Variants in PTPN2 observed in about 807,000 individuals in gnomAD.
The protein encoded by PTPN2 is tyrosine-protein phosphatase non-receptor type 2.
A neutral mutation model predicts 57.3 loss-of-function variants in PTPN2; 19 were observed. The observed-to-expected ratio is 0.33, with a 90% CI of 0.23 to 0.49. The LOEUF (loss-of-function observed/expected upper bound fraction) is 0.49, where lower values mean the gene tolerates loss of function less well. Ranked by LOEUF, PTPN2 falls within the 20% of genes least tolerant of loss-of-function variation. The probability of loss-of-function intolerance (pLI) is 0.99; values close to 1 mark genes in which losing one functional copy is unlikely to be tolerated. For missense variants in PTPN2, 358 were observed against 501.1 expected (o/e 0.71, Z 2.73); for synonymous variants, 153 against 164.9 (o/e 0.93, Z 0.55).
At chr18:12,861,039 C>T (rs534974736) in intron 1 of PTPN2, among the ~76,000 whole-genome samples, 1 of 152,286 alleles carries the variant, frequency 6.6e-6, no homozygotes, top group African/African-American at 2.4e-5. Flanking sequence ...TAGGGTCTCA[C>T]TTTTTGCCCA....
At chr18:12,843,505 C>T (rs149334348) in intron 2 of PTPN2, among the ~76,000 whole-genome samples, 6 of 152,336 alleles carry the variant, frequency 3.9e-5, no homozygotes, top group South Asian at 2.1e-4. Context: ...CCCCACTGCA[C>T]GCTTCCACAG....
chr18:12,813,904 A>T (rs953937705), intron 7 of PTPN2, among the ~76,000 whole-genome samples: 2 of 152,196 alleles, frequency 1.3e-5, no homozygotes, highest in African/African-American at 4.8e-5. Flanking sequence ...AAAGTATCTC[A>T]AGTTTCCAGT....
At chr18:12,789,385 G>T (rs1170001729), downstream of PTPN2, among the ~76,000 whole-genome samples, 1 of 152,114 alleles carries the variant, frequency 6.6e-6, no homozygotes, top group Non-Finnish European at 1.5e-5. Flanking sequence ...TTTAAATCGT[G>T]AAAAAATACA....
At chr18:12,839,803 A>C (rs1232432396) in intron 2 of PTPN2, among the ~76,000 whole-genome samples, 1 of 152,132 alleles carries the variant, frequency 6.6e-6, no homozygotes, top group Non-Finnish European at 1.5e-5. Flanking sequence ...ATTTCTGACA[A>C]GGAGTCCCTT....
intron 5 of PTPN2, among the ~76,000 whole-genome samples, chr18:12,825,080 T>C (rs1027992114): frequency 3.3e-5 from 5 of 152,058 alleles, no homozygotes; most frequent in Non-Finnish European, 7.4e-5. Context: ...AAAGCAAGAC[T>C]GTCTCAAAAA....
At chr18:12,785,798 G>A in exon 10 of PTPN2, 1 of 1,607,354 alleles carries the variant, frequency 6.2e-7, no homozygotes, top group East Asian at 2.2e-5. Context: ...ATTTATAGCT[G>A]CAGAATATTC....
chr18:12,791,201 T>C (rs1485734456), downstream of PTPN2, among the ~76,000 whole-genome samples: 1 of 152,210 alleles, frequency 6.6e-6, no homozygotes, highest in Non-Finnish European at 1.5e-5. Context: ...AACTTGTTGG[T>C]GTAGCTAGAG....
chr18:12,814,099 A>T, intron 7 of PTPN2, 104 bp downstream of exon 7: 1 of 975,356 alleles, frequency 1.0e-6, no homozygotes, highest in Non-Finnish European at 1.5e-6. Flanking sequence ...CAAAAATTCA[A>T]ATACACTCTT....
chr18:12,817,509 C>G, intron 5 of PTPN2, 144 bp from the exon 6 acceptor site: 1 of 674,490 alleles, frequency 1.5e-6, no homozygotes, highest in African/African-American at 1.8e-5. Context: ...TTCTGACAAT[C>G]CCATATACAA....
chr18:12,883,041 G>A (rs1442951018), intron 1 of PTPN2, among the ~76,000 whole-genome samples: 1 of 152,186 alleles, frequency 6.6e-6, no homozygotes, highest in Admixed American at 6.5e-5. Context: ...GCGAATCACA[G>A]GTGTTTATAC....
intron 2 of PTPN2, among the ~76,000 whole-genome samples, chr18:12,846,303 A>C (rs1165204914): frequency 1.3e-5 from 2 of 152,208 alleles, no homozygotes; most frequent in East Asian, 3.8e-4. Flanking sequence ...TTATGTAAAT[A>C]CCTTGTTCTT....
chr18:12,864,446 G>A (rs1287111128), intron 1 of PTPN2, among the ~76,000 whole-genome samples: 1 of 151,622 alleles, frequency 6.6e-6, no homozygotes, highest in Non-Finnish European at 1.5e-5. Flanking sequence ...GCCAGGCTAG[G>A]GTGCAGTGGT....
At chr18:12,789,721 C>T (rs2145203066), downstream of PTPN2, among the ~76,000 whole-genome samples, 1 of 152,276 alleles carries the variant, frequency 6.6e-6, no homozygotes, top group South Asian at 2.1e-4. Context: ...AACTGGAACT[C>T]CTGCCTGAAC....
At position 12,793,757 on chromosome 18, in the gene PTPN2, A is replaced by AGTT. The variant is rs2145216039; in HGVS notation, c.*520_*521insAAC. ...GCTCTTAAAAAGTACAGTTAACTAC[A>AGTT]AAAGATTAAATAGATACTTATAAAA... On this transcript the variant is annotated 3_prime_UTR_variant, in exon 9 of 9. Transcript: ENST00000309660. 2 of 942,530 alleles carry AGTT rather than the reference A, an allele frequency of 2.1e-6. No individual in the cohort carries two copies. Among genetic ancestry groups the AGTT allele is most frequent in the African/African-American group, 3.6e-5 (2 of 56,286 alleles). The allele number at this position is 942,530 out of a possible 1,614,324, so 58.4% of individuals were successfully genotyped here. A position where few individuals can be genotyped will look rare whatever the true frequency, so the allele number is the denominator to read the frequency against.
intron 1 of PTPN2, chr18:12,862,064 A>C (rs2043826998): frequency 6.6e-6 from 1 of 152,218 alleles, no homozygotes; most frequent in Admixed American, 6.5e-5. Context: ...ACTTTATAAA[A>C]AAAATTTCAG....
intron 4 of PTPN2, among the ~76,000 whole-genome samples, chr18:12,830,100 A>ATTTTTT (rs148424474): frequency 1.4e-5 from 2 of 147,616 alleles, no homozygotes; most frequent in Non-Finnish European, 1.5e-5. Context: ...ATAATCCTTG[A>ATTTTTT]TTTTTTTTTT....
chr18:12,808,718 T>C (rs1307001872), intron 7 of PTPN2, among the ~76,000 whole-genome samples: 7 of 152,106 alleles, frequency 4.6e-5, no homozygotes, highest in Admixed American at 2.0e-4. Flanking sequence ...GAGGCGGAGG[T>C]TGCAGTGAGC....
intron 7 of PTPN2, among the ~76,000 whole-genome samples, chr18:12,810,940 ACTGT>A (rs148300746): frequency 2.5e-3 from 376 of 152,294 alleles, no homozygotes; most frequent in African/African-American, 8.0e-3. Flanking sequence ...CACTTAGATG[ACTGT>A]CTATTTTCTT....
At chr18:12,858,023 A>AT (rs1203157976) in intron 2 of PTPN2, among the ~76,000 whole-genome samples, 2 of 152,118 alleles carry the variant, frequency 1.3e-5, no homozygotes, top group Non-Finnish European at 2.9e-5. Flanking sequence ...AAAAATAAGG[A>AT]TTTTTTTCCA....
Sources: allele counts gnomAD v4.1 joint callset (sites outside exome capture counted in the v4.1 genomes callset), GRCh38; gene constraint gnomAD v4.1.1; transcripts MANE v1.5; gene names NCBI Gene and HGNC (gene_info 2026-07-23, HGNC 2026-07-21).